ASTN1: variants seen among roughly 807,000 people sequenced by gnomAD.
ASTN1 encodes the protein astrotactin-1.
Under a neutral mutation model 140.7 loss-of-function variants are expected in ASTN1, and 41 were observed. The ratio of observed to expected loss-of-function variants is 0.29; its 90% CI spans 0.23 to 0.38. ASTN1 has a LOEUF of 0.38. ASTN1 is among the 10% of genes least tolerant of loss of function. ASTN1 has a pLI of 1.00. For missense variants in ASTN1, 1,479 were observed against 1,678.8 expected, an observed-to-expected ratio of 0.88 and a Z score of 2.08; for synonymous variants, 640 against 652.2, an observed-to-expected ratio of 0.98 and a Z score of 0.29.
chr1:176,954,885 G>A (rs549507743), intron 11 of ASTN1, among the ~76,000 whole-genome samples: 1 of 152,136 alleles, frequency 6.6e-6, no homozygotes, highest in Admixed American at 6.5e-5. Flanking sequence ...GAACAATAGG[G>A]CAATTAACTG....
At position 177,030,803 on chromosome 1, in the gene ASTN1, T is replaced by A. The variant is rs764862960; in HGVS notation, c.1012+3A>T. The A allele has an allele frequency of 6.2e-7, 1 of 1,614,092 alleles. No individual in the cohort carries two copies. The highest frequency in any genetic ancestry group is 8.5e-7 in the Non-Finnish European group (1 of 1,179,956). On this transcript the variant is annotated splice_donor_region_variant and intron_variant, in intron 4 of 22. Coordinates refer to ENST00000361833, the MANE Select transcript of ASTN1 (RefSeq NM_004319.3). The stretch of plus-strand genomic sequence containing the variant: ...CACGAGCCCTAATGTCAGACATGCA[T>A]ACCTCTTGCTTTGTTGTTGATCCGC...
At chr1:177,157,907 A>T (rs1401689381) in intron 1 of ASTN1, among the ~76,000 whole-genome samples, 1 of 152,098 alleles carries the variant, frequency 6.6e-6, no homozygotes, top group African/African-American at 2.4e-5. Flanking sequence ...CATTTGTGAG[A>T]TTTACCCACA....
chr1:177,141,399 G>C (rs900037305), intron 1 of ASTN1, among the ~76,000 whole-genome samples: 1 of 152,124 alleles, frequency 6.6e-6, no homozygotes, highest in Non-Finnish European at 1.5e-5. Context: ...CAGTAAGGTA[G>C]CATGCTGGTC....
intron 5 of ASTN1, among the ~76,000 whole-genome samples, chr1:177,028,393 C>G (rs1464889070): frequency 2.0e-5 from 3 of 152,104 alleles, no homozygotes; most frequent in Admixed American, 6.5e-5. Flanking sequence ...CCACAATGAT[C>G]TCTTGAGAAA....
chr1:177,118,639 A>G (rs1323124206), intron 1 of ASTN1, among the ~76,000 whole-genome samples: 4 of 152,194 alleles, frequency 2.6e-5, no homozygotes, highest in African/African-American at 9.6e-5. Context: ...CTAATCCCCA[A>G]ACAAAAGTCT....
intron 21 of ASTN1, among the ~76,000 whole-genome samples, chr1:176,870,380 A>G (rs1668289147): frequency 6.6e-6 from 1 of 152,210 alleles, no homozygotes; most frequent in Non-Finnish European, 1.5e-5. Context: ...GGTCATGACA[A>G]AGTCATCCCT....
intron 8 of ASTN1, among the ~76,000 whole-genome samples, chr1:176,982,124 A>G (rs1673646856): frequency 6.6e-6 from 1 of 152,246 alleles, no homozygotes; most frequent in African/African-American, 2.4e-5. Context: ...CAGAATAAGC[A>G]GGAGGCTGTG....
chr1:176,892,693 A>T (rs1360874764), intron 17 of ASTN1, among the ~76,000 whole-genome samples: 1 of 152,272 alleles, frequency 6.6e-6, no homozygotes, highest in Non-Finnish European at 1.5e-5. Flanking sequence ...AGACCAACAA[A>T]GGTCAGAAAA....
intron 15 of ASTN1, chr1:176,936,046 T>C: frequency 3.2e-6 from 2 of 616,870 alleles, no homozygotes; most frequent in Middle Eastern, 2.8e-4. Context: ...CCCTCTCTTC[T>C]GTAGTCCAAG....
chr1:177,162,324 G>T (rs1647428163), intron 1 of ASTN1, among the ~76,000 whole-genome samples: 1 of 152,174 alleles, frequency 6.6e-6, no homozygotes, highest in African/African-American at 2.4e-5. Flanking sequence ...GCCCTTCTCT[G>T]GTTCTGAGCA....
chr1:177,043,960 G>C (rs1405887993), intron 2 of ASTN1, among the ~76,000 whole-genome samples: 1 of 151,780 alleles, frequency 6.6e-6, no homozygotes, highest in Non-Finnish European at 1.5e-5. Flanking sequence ...TTTTTCTCTG[G>C]AACTAATCAA....
intron 8 of ASTN1, among the ~76,000 whole-genome samples, chr1:177,007,448 A>T (rs1260652279): frequency 2.0e-5 from 3 of 152,178 alleles, no homozygotes; most frequent in Non-Finnish European, 4.4e-5. Context: ...CCACTTGTCT[A>T]CAAGCTCATT....
intron 8 of ASTN1, among the ~76,000 whole-genome samples, chr1:177,008,108 G>C (rs1313532875): frequency 6.6e-6 from 1 of 152,220 alleles, no homozygotes; most frequent in Non-Finnish European, 1.5e-5. Flanking sequence ...TGTTAAGTCT[G>C]TCTGTGGAGG....
chr1:177,110,296 T>C (rs1181260968), intron 1 of ASTN1, among the ~76,000 whole-genome samples: 1 of 152,230 alleles, frequency 6.6e-6, no homozygotes, highest in East Asian at 1.9e-4. Context: ...AAACAAGGAC[T>C]AAGTTAGAAT....
chr1:176,992,936 G>A (rs1013350306), intron 8 of ASTN1, among the ~76,000 whole-genome samples: 1 of 152,168 alleles, frequency 6.6e-6, no homozygotes, highest in Admixed American at 6.5e-5. Flanking sequence ...TGTCATTATG[G>A]ATAATCAGGT....
At chr1:177,074,239 T>C (rs150884785) in intron 1 of ASTN1, among the ~76,000 whole-genome samples, 1,729 of 152,334 alleles carry the variant, frequency 0.011, 18 homozygotes, top group Middle Eastern at 0.041. Context: ...CCTCTAACAC[T>C]GATCTTCTTA....
chr1:177,114,115 G>A (rs540504403), intron 1 of ASTN1, among the ~76,000 whole-genome samples: 98 of 152,254 alleles, frequency 6.4e-4, no homozygotes, highest in African/African-American at 2.2e-3. Flanking sequence ...TAGATGCACA[G>A]GCTTTGGAGT....
At chr1:177,110,480 C>T (rs1279659759) in intron 1 of ASTN1, among the ~76,000 whole-genome samples, 1 of 152,300 alleles carries the variant, frequency 6.6e-6, no homozygotes, top group Non-Finnish European at 1.5e-5. Context: ...CCCTGACACA[C>T]AAACCTGTCT....
chr1:176,923,783 T>C (rs1178015303), intron 16 of ASTN1, among the ~76,000 whole-genome samples: 1 of 152,200 alleles, frequency 6.6e-6, no homozygotes, highest in East Asian at 1.9e-4. Context: ...TAAAGGGGAC[T>C]ACTGTATAGA....
Sources: allele counts gnomAD v4.1 joint callset (sites outside exome capture counted in the v4.1 genomes callset), GRCh38; gene constraint gnomAD v4.1.1; transcripts MANE v1.5; gene names NCBI Gene and HGNC (gene_info 2026-07-23, HGNC 2026-07-21).